Variants in SGO1 observed in about 807,000 individuals in gnomAD.
The protein encoded by SGO1 is shugoshin 1.
A neutral mutation model predicts 50.5 loss-of-function variants in SGO1; 39 were observed. That is an observed-to-expected ratio of 0.77 (90% CI 0.60 to 1.01). The LOEUF (loss-of-function observed/expected upper bound fraction) is 1.01. Among genes scored for constraint, SGO1 ranks in the 50% least tolerant of loss-of-function variants. The pLI is 0.00. For missense variants in SGO1, 638 were observed against 606.0 expected (o/e 1.05, Z -0.55); for synonymous variants, 191 against 205.1 (o/e 0.93, Z 0.59).
intron 8 of SGO1, chr3:20,161,348 A>G: frequency 7.3e-7 from 1 of 1,369,420 alleles, no homozygotes; most frequent in Non-Finnish European, 9.5e-7. Context: ...ATTAGAAAAT[A>G]TGTGAGCAAA....
chr3:20,165,689 C>G (rs1160508730), downstream of SGO1, among the ~76,000 whole-genome samples: 1 of 151,958 alleles, frequency 6.6e-6, no homozygotes, highest in African/African-American at 2.4e-5. Context: ...GCCTTGATAC[C>G]GAAAATAGGT....
chr3:20,163,861 CT>C (rs1477509669), intron 8 of SGO1, among the ~76,000 whole-genome samples: 2 of 152,122 alleles, frequency 1.3e-5, no homozygotes, highest in Non-Finnish European at 2.9e-5. Context: ...GAACAAAGTC[CT>C]TGTATAACAC....
chr3:20,161,366 A>G, intron 8 of SGO1: 1 of 1,313,444 alleles, frequency 7.6e-7, no homozygotes, highest in Non-Finnish European at 1.0e-6. Flanking sequence ...AAACAATCAA[A>G]AGTCAGCAGA....
At position 20,176,603 on chromosome 3, in the gene SGO1, TC is replaced by T. The variant is rs1575222449; in HGVS notation, c.472del (p.Glu158LysfsTer38). On this transcript the variant is annotated frameshift_variant, in exon 5 of 8. Transcript: ENST00000412997. LOFTEE classifies it high-confidence loss of function. The part of the protein sequence containing the change: ...LPGQGESFQI[E>X]DQIPTIPQDT... ...TTTTAGATTTTCACTTGAATTACCT[TC>T]TATTTGAAATGATTCTCCTTGTCCT... The T allele has an allele frequency of 6.4e-7, 1 of 1,559,880 alleles. No individual in the cohort carries two copies. The highest frequency in any genetic ancestry group is 1.4e-5 in the African/African-American group (1 of 72,546).
At chr3:20,178,122 C>A in intron 4 of SGO1, 149 bp downstream of exon 4, 1 of 593,508 alleles carries the variant, frequency 1.7e-6, no homozygotes, top group Non-Finnish European at 2.9e-6. Flanking sequence ...AATTTCAACA[C>A]ATCAAATTCT....
intron 1 of SGO1, among the ~76,000 whole-genome samples, chr3:20,185,159 G>A (rs1702487296): frequency 6.6e-6 from 1 of 152,162 alleles, no homozygotes; most frequent in Non-Finnish European, 1.5e-5. Context: ...TGTACTGGGA[G>A]GTTCCTAGCA....
At chr3:20,181,217 G>C (rs977192202) in intron 3 of SGO1, among the ~76,000 whole-genome samples, 1 of 152,134 alleles carries the variant, frequency 6.6e-6, no homozygotes, top group African/African-American at 2.4e-5. Context: ...CTAATGTTCT[G>C]AAACTAATAT....
At chr3:20,176,755 T>A (rs901283351) in intron 4 of SGO1, 96 bp from the exon 5 acceptor site, 6 of 798,444 alleles carry the variant, frequency 7.5e-6, no homozygotes, top group Admixed American at 6.0e-5. Flanking sequence ...TCCTTTAGTA[T>A]CATTTCATAA....
chr3:20,173,369 A>G (rs1482137698), intron 6 of SGO1, among the ~76,000 whole-genome samples: 1 of 152,024 alleles, frequency 6.6e-6, no homozygotes, highest in Non-Finnish European at 1.5e-5. Flanking sequence ...TGGACTCCTG[A>G]CCTCAGGTGA....
exon 9 of SGO1, chr3:20,161,023 A>C (rs1210147507): frequency 6.3e-7 from 1 of 1,590,518 alleles, no homozygotes; most frequent in African/African-American, 1.4e-5. Context: ...CAACACATAA[A>C]GCTAGAATCT....
chr3:20,164,897 G>C (rs544491024), downstream of SGO1, among the ~76,000 whole-genome samples: 3 of 152,256 alleles, frequency 2.0e-5, no homozygotes, highest in African/African-American at 7.2e-5. Context: ...AATCAAGCCT[G>C]TAAGAAAATT....
intron 7 of SGO1, 59 bp from the exon 8 acceptor site, chr3:20,170,874 T>C: frequency 6.5e-7 from 1 of 1,548,914 alleles, no homozygotes; most frequent in Non-Finnish European, 8.7e-7. Context: ...TAACTTACTC[T>C]TCCCTACCAA....
exon 9 of SGO1, chr3:20,160,776 G>A (rs938619819): frequency 1.8e-5 from 3 of 169,380 alleles, no homozygotes; most frequent in Non-Finnish European, 3.8e-5. Flanking sequence ...TTTGACCCCT[G>A]AAAACACCTG....
downstream of SGO1, chr3:20,168,805 T>C (rs973584616): frequency 3.1e-6 from 1 of 326,382 alleles, no homozygotes; most frequent in Admixed American, 6.5e-5. Context: ...TAATTTTTTC[T>C]ATTTTTAGTA....
chr3:20,163,484 A>T (rs9852109), intron 8 of SGO1, among the ~76,000 whole-genome samples: 7,560 of 152,262 alleles, frequency 0.05, 230 homozygotes, highest in Middle Eastern at 0.075. Flanking sequence ...TGATATTAAC[A>T]TCACACGTAG....
In SGO1 at chr3:20,174,681, G is replaced by A. The variant is rs1701171315; in HGVS notation, c.850C>T (p.Gln284Ter). 3 of 1,609,428 alleles carry A rather than the reference G, an allele frequency of 1.9e-6. No individual in the cohort carries two copies. Among genetic ancestry groups the A allele is most frequent in the Non-Finnish European group, 2.5e-6 (3 of 1,178,524 alleles). ...ESKSEQTKSK[Q>*]RDTQERKREE... is the part of the protein sequence containing the mutation. ...CTTTTTCTTTCTTGTGTATCTCTTTGCTTACTTTTAGTTTGTTCAGATTTA... is the reference window on the plus strand; with the variant it reads ...CTTTTTCTTTCTTGTGTATCTCTTTACTTACTTTTAGTTTGTTCAGATTTA... Residue 284 changes from glutamine (Q) to a stop codon, truncating the protein, a stop_gained, in exon 6 of 8, where the codon CAA (glutamine) becomes TAA (stop). Transcript: ENST00000412997. LOFTEE classifies it high-confidence loss of function.
At chr3:20,161,974 C>G (rs528364113) in intron 8 of SGO1, among the ~76,000 whole-genome samples, 29 of 152,286 alleles carry the variant, frequency 1.9e-4, no homozygotes, top group African/African-American at 7.0e-4. Context: ...GCCCCATGTT[C>G]TTCCTATATT....
intron 8 of SGO1, among the ~76,000 whole-genome samples, chr3:20,162,285 T>G (rs1403633666): frequency 6.6e-6 from 1 of 152,138 alleles, no homozygotes; most frequent in Non-Finnish European, 1.5e-5. Flanking sequence ...AAGTAATACT[T>G]TGAACAGGCT....
At chr3:20,181,636 A>T (rs182477061) in intron 3 of SGO1, among the ~76,000 whole-genome samples, 88 of 152,346 alleles carry the variant, frequency 5.8e-4, no homozygotes, top group African/African-American at 2.0e-3. Context: ...CTCATTGAGT[A>T]TTTGCTTCCT....
Sources: gnomAD v4.1 joint callset for allele counts (sites outside exome capture counted in the v4.1 genomes callset) on GRCh38, gnomAD v4.1.1 for gene constraint, MANE v1.5 for transcripts, NCBI Gene and HGNC (gene_info 2026-07-23, HGNC 2026-07-21) for gene names.